ROBO2: variants seen among roughly 807,000 people sequenced by gnomAD.
ROBO2 encodes roundabout homolog 2.
Under a neutral mutation model 160.8 loss-of-function variants are expected in ROBO2, and 53 were observed. That is an observed-to-expected ratio of 0.33 (90% CI 0.26 to 0.41). The LOEUF (loss-of-function observed/expected upper bound fraction) is 0.41. Among genes scored for constraint, ROBO2 ranks in the 10% least tolerant of loss-of-function variants. The pLI, the probability that ROBO2 is intolerant of heterozygous loss-of-function variation, is 1.00. For synonymous variants in ROBO2, 664 were observed against 611.7 expected (o/e 1.09, Z -1.26); for missense variants, 1,577 against 1,722.4 (o/e 0.92, Z 1.49).
At chr3:76,248,941 A>T (rs981349383) in intron 2 of ROBO2, among the ~76,000 whole-genome samples, 1 of 152,060 alleles carries the variant, frequency 6.6e-6, no homozygotes, top group South Asian at 2.1e-4. Context: ...TATGTGTTCA[A>T]TCATCAAAAT....
intron 2 of ROBO2, among the ~76,000 whole-genome samples, chr3:77,219,464 CTG>C (rs1281203041): frequency 1.5e-5 from 1 of 67,102 alleles, no homozygotes; most frequent in Non-Finnish European, 3.3e-5. Flanking sequence ...ATATATGTAT[CTG>C]TGTATATATA....
At chr3:76,143,491 A>G (rs2071763769) in intron 2 of ROBO2, among the ~76,000 whole-genome samples, 1 of 152,108 alleles carries the variant, frequency 6.6e-6, no homozygotes, top group African/African-American at 2.4e-5. Flanking sequence ...AGGAGTATCC[A>G]ATAAAGATAT....
chr3:76,591,373 C>T (rs966522809), intron 2 of ROBO2, among the ~76,000 whole-genome samples: 1 of 152,072 alleles, frequency 6.6e-6, no homozygotes, highest in Non-Finnish European at 1.5e-5. Flanking sequence ...AAAATCCAGG[C>T]ATACATGGGC....
At chr3:77,568,528 T>C in intron 13 of ROBO2, 94 bp downstream of exon 14, 1 of 1,449,152 alleles carries the variant, frequency 6.9e-7, no homozygotes, top group Non-Finnish European at 9.6e-7. Flanking sequence ...ATAATAAAAA[T>C]TCCCGCCATT....
intron 2 of ROBO2, among the ~76,000 whole-genome samples, chr3:76,248,776 G>A (rs1705797502): frequency 6.6e-6 from 1 of 151,756 alleles, no homozygotes; most frequent in African/African-American, 2.4e-5. Context: ...TTGTCATAGT[G>A]TGTGCATTTG....
At chr3:76,866,817 T>A (rs1467448021) in intron 2 of ROBO2, among the ~76,000 whole-genome samples, 1 of 152,150 alleles carries the variant, frequency 6.6e-6, no homozygotes, top group Non-Finnish European at 1.5e-5. Flanking sequence ...AAGAGTAGGA[T>A]AATTTGCATA....
intron 2 of ROBO2, among the ~76,000 whole-genome samples, chr3:76,438,412 A>T (rs1577189547): frequency 1.0e-5 from 1 of 98,838 alleles, no homozygotes; most frequent in African/African-American, 7.5e-5. Context: ...TAATCAGTTC[A>T]CACACACACA....
intron 2 of ROBO2, among the ~76,000 whole-genome samples, chr3:76,758,373 G>A (rs574902724): frequency 1.3e-5 from 2 of 151,890 alleles, no homozygotes; most frequent in East Asian, 2.0e-4. Context: ...CAAGGAAGCC[G>A]ACCAGTAGTG....
rs979372418 is a variant in ROBO2 at position 77,236,458 on chromosome 3, G to A, written c.388+138118G>A. Among the ~76,000 whole-genome samples, 5 of 152,148 alleles carry A rather than the reference G, an allele frequency of 3.3e-5. No homozygotes were observed. In the East Asian group the frequency reaches 7.7e-4, roughly 23 times the overall value. ...GAATGATGACGCATGTCCAACTCTC[G>A]CTTCCCATCATGGCCTGAGCCAGTT... On this transcript the variant is annotated intron_variant, in intron 2 of 25. Coordinates refer to ENST00000461745, the Ensembl canonical transcript of ROBO2.
chr3:77,635,036 G>T, exon 24 of ROBO2: 1 of 1,613,980 alleles, frequency 6.2e-7, no homozygotes, highest in South Asian at 1.1e-5. Flanking sequence ...GGGAAGGAAT[G>T]ACAGATGGTA....
intron 2 of ROBO2, among the ~76,000 whole-genome samples, chr3:75,943,424 G>A (rs9875724): frequency 3.7e-4 from 57 of 152,162 alleles, no homozygotes; most frequent in African/African-American, 1.3e-3. Flanking sequence ...GAGCTTTGAT[G>A]TTCTATTTGA....
In ROBO2 at chr3:76,779,844, A is replaced by C. The variant is rs1217369192; in HGVS notation, c.110-318170A>C. Among the ~76,000 whole-genome samples the C allele has an allele frequency of 1.1e-4, 16 of 151,032 alleles. 1 individual carries two copies. ...TTCTATAGTTTGGCTATTTTAAATA[A>C]TGCTACATGAAACTGGAACTGCAGA... On this transcript the variant is annotated intron_variant, in intron 2 of 26. Coordinates refer to the ROBO2 transcript ENST00000487694.
rs544445455 is a variant in ROBO2, at chr3:76,303,133, T to C, written c.109+365531T>C. 2.6e-5 allele frequency among the ~76,000 whole-genome samples: 4 copies of C among 152,162 alleles called. No homozygotes were observed. The South Asian group carries it at 8.3e-4, about 32-fold the overall frequency. ...ATCTCAGATGAAAAAAAGAATATTT[T>C]ACAGGTTCAAGCATGTTTGATGAGA... On this transcript the variant is annotated intron_variant, in intron 2 of 26. Coordinates refer to the ROBO2 transcript ENST00000487694.
intron 16 of ROBO2, among the ~76,000 whole-genome samples, chr3:77,583,880 TCTTATGTTTGCC>T (rs1371459908): frequency 3.3e-5 from 5 of 152,166 alleles, no homozygotes; most frequent in African/African-American, 4.8e-5. Context: ...GTATGGGACT[TCTTATGTTTGCC>T]CTTATTCTCA....
intron 6 of ROBO2, among the ~76,000 whole-genome samples, chr3:77,523,492 A>G (rs565876853): frequency 6.6e-6 from 1 of 151,394 alleles, no homozygotes; most frequent in Admixed American, 6.6e-5. Flanking sequence ...AATAACTTTC[A>G]CTTTCTGGGT....
At chr3:77,541,817 T>C (rs1364631751) in intron 6 of ROBO2, among the ~76,000 whole-genome samples, 1 of 152,258 alleles carries the variant, frequency 6.6e-6, no homozygotes, top group Non-Finnish European at 1.5e-5. Flanking sequence ...TATAGTCTTC[T>C]GTCTCAGAGA....
chr3:76,090,766 C>T (rs897432909), intron 2 of ROBO2, among the ~76,000 whole-genome samples: 16 of 151,956 alleles, frequency 1.1e-4, no homozygotes, highest in Non-Finnish European at 2.4e-4. Flanking sequence ...CGGAACGGAA[C>T]GGAACGGGAG....
chr3:76,337,111 G>T (rs1011781127), intron 2 of ROBO2, among the ~76,000 whole-genome samples: 1 of 152,088 alleles, frequency 6.6e-6, no homozygotes, highest in African/African-American at 2.4e-5. Flanking sequence ...CTTCTAGTGG[G>T]ATCCTGTCTG....
intron 2 of ROBO2, among the ~76,000 whole-genome samples, chr3:76,818,023 G>A (rs1225110563): frequency 1.3e-5 from 2 of 151,868 alleles, no homozygotes; most frequent in East Asian, 3.9e-4. Flanking sequence ...CCCAGTAGTG[G>A]GATTGTTGGA....
Sources: gnomAD v4.1 joint callset for allele counts (sites outside exome capture counted in the v4.1 genomes callset) on GRCh38, gnomAD v4.1.1 for gene constraint, MANE v1.5 for transcripts, NCBI Gene and HGNC (gene_info 2026-07-23, HGNC 2026-07-21) for gene names.